Variants in EPHA7 observed in about 807,000 individuals in gnomAD.
EPHA7 encodes ephrin type-A receptor 7.
EPHA7 carries 25 observed loss-of-function variants against 112.6 expected under a neutral mutation model. The observed-to-expected ratio is 0.22, with a 90% CI of 0.16 to 0.31. The LOEUF is 0.31. EPHA7 is among the 10% of genes least tolerant of loss of function. The pLI is 1.00. For synonymous variants in EPHA7, 437 were observed against 406.5 expected, an observed-to-expected ratio of 1.07 and a Z score of -0.90; for missense variants, 962 against 1,212.6, an observed-to-expected ratio of 0.79 and a Z score of 3.07.
intron 9 of EPHA7, 25 bp from the exon 10 acceptor site, chr6:93,259,504 C>T: frequency 6.2e-7 from 1 of 1,609,102 alleles, no homozygotes; most frequent in Non-Finnish European, 8.5e-7. Flanking sequence ...GAAAGCATGA[C>T]TGTGATGAAG....
At chr6:93,354,957 A>G (rs1775870629) in intron 5 of EPHA7, among the ~76,000 whole-genome samples, 1 of 152,162 alleles carries the variant, frequency 6.6e-6, no homozygotes, top group African/African-American at 2.4e-5. Flanking sequence ...AACTTAGTAG[A>G]ACCAAGTTTA....
Position 93,411,104 on chromosome 6 carries a change from T to C in EPHA7, c.229A>G (p.Met77Val). 6.2e-7 allele frequency: 1 copy of C among 1,613,784 alleles called. No individual in the cohort carries two copies. Among genetic ancestry groups the C allele is most frequent in the Non-Finnish European group, 8.5e-7 (1 of 1,179,928 alleles). Reference protein sequence around the residue: ...PIRTYQVCQVMEPNQNNWLRT... With the variant: ...PIRTYQVCQVVEPNQNNWLRT... ...AGCCAGTTGTTTTGGTTGGGCTCCA[T>C]GACTTGGCACACCTGGTATGTTCGT... is the stretch of plus-strand genomic sequence containing the variant. Residue 77 changes from methionine to valine, a missense_variant, in exon 3 of 17, where the codon ATG (methionine) becomes GTG (valine). By Grantham distance (21) the Met-to-Val change is conservative. Around this residue, in one of 3 missense-constraint regions of EPHA7, gnomAD observed 160 missense variants for 263.6 expected, o/e 0.61. Coordinates refer to ENST00000369303, the MANE Select transcript of EPHA7 (RefSeq NM_004440.4).
At chr6:93,267,212 G>C (rs1770985596) in intron 7 of EPHA7, among the ~76,000 whole-genome samples, 1 of 151,654 alleles carries the variant, frequency 6.6e-6, no homozygotes, top group Admixed American at 6.6e-5. Flanking sequence ...TAGTAAAAGG[G>C]CTCCTGGGAT....
intron 3 of EPHA7, among the ~76,000 whole-genome samples, chr6:93,378,930 T>C (rs912982754): frequency 2.0e-5 from 3 of 152,170 alleles, no homozygotes; most frequent in Admixed American, 2.0e-4. Flanking sequence ...ACTTCATTAC[T>C]GTCAATTACA....
chr6:93,274,861 T>C (rs2127886680), intron 5 of EPHA7, among the ~76,000 whole-genome samples: 1 of 152,012 alleles, frequency 6.6e-6, no homozygotes, highest in Non-Finnish European at 1.5e-5. Context: ...GATATACAGC[T>C]TATAAACAAA....
At chr6:93,379,637 T>C (rs1332069520) in intron 3 of EPHA7, among the ~76,000 whole-genome samples, 1 of 151,868 alleles carries the variant, frequency 6.6e-6, no homozygotes. Flanking sequence ...GATTATACAA[T>C]CAAACCAGGA....
At chr6:93,244,284 G>A (rs1260847280) in intron 16 of EPHA7, among the ~76,000 whole-genome samples, 7 of 151,988 alleles carry the variant, frequency 4.6e-5, no homozygotes, top group Non-Finnish European at 1.0e-4. Flanking sequence ...GATTGCTTTG[G>A]GGACCCAAGT....
rs767238960 is a variant in EPHA7 at position 93,419,385 on chromosome 6, C to T, written c.-44G>A. On this transcript the variant is annotated 5_prime_UTR_variant, in exon 1 of 17. Transcript: ENST00000369303. ...ATTTTAGGTTTCAGTTATCTTGAGT[C>T]GTGGATTTTTAAATGCTGTTTGTTC... is the stretch of plus-strand genomic sequence containing the variant. 1 of 1,516,132 alleles carries T rather than the reference C, an allele frequency of 6.6e-7. No homozygotes were observed. The highest frequency in any genetic ancestry group is 1.1e-5 in the South Asian group (1 of 88,096). The allele number at this position is 1,516,132 out of a possible 1,614,324, so 93.9% of individuals were successfully genotyped here. A position where few individuals can be genotyped will look rare whatever the true frequency, so the allele number is the denominator to read the frequency against.
At chr6:93,336,135 C>CT (rs1488452320) in intron 5 of EPHA7, among the ~76,000 whole-genome samples, 1 of 152,048 alleles carries the variant, frequency 6.6e-6, no homozygotes, top group Non-Finnish European at 1.5e-5. Flanking sequence ...TGCTACCCTA[C>CT]TACTAGAATA....
chr6:93,404,366 T>C (rs573154959), intron 3 of EPHA7, among the ~76,000 whole-genome samples: 1 of 152,038 alleles, frequency 6.6e-6, no homozygotes, highest in Admixed American at 6.6e-5. Flanking sequence ...GAAAAAAGTT[T>C]ATGTTCATAA....
chr6:93,405,817 A>G (rs62414252), intron 3 of EPHA7, among the ~76,000 whole-genome samples: 2,349 of 38,450 alleles, frequency 0.061, 30 homozygotes, highest in African/African-American at 0.15. Context: ...GTGTGTGTAT[A>G]TATATATATA....
chr6:93,257,616 T>C, intron 11 of EPHA7, 93 bp from the exon 12 acceptor site: 1 of 793,808 alleles, frequency 1.3e-6, no homozygotes, highest in Non-Finnish European at 2.1e-6. Context: ...GGTGTTCTTT[T>C]GAAAGAGTGA....
intron 7 of EPHA7, among the ~76,000 whole-genome samples, chr6:93,268,065 C>T (rs1198585392): frequency 6.6e-6 from 1 of 151,566 alleles, no homozygotes; most frequent in Non-Finnish European, 1.5e-5. Flanking sequence ...GAAATCTTAA[C>T]TTAAAATGCT....
At chr6:93,405,845 ATATAT>A (rs1778693633) in intron 3 of EPHA7, among the ~76,000 whole-genome samples, 1 of 135,084 alleles carries the variant, frequency 7.4e-6, no homozygotes, top group Non-Finnish European at 1.6e-5. Context: ...ATATATATAT[ATATAT>A]AAATGATTAT....
intron 5 of EPHA7, among the ~76,000 whole-genome samples, chr6:93,352,395 G>T (rs1209362901): frequency 6.6e-6 from 1 of 151,970 alleles, no homozygotes; most frequent in East Asian, 1.9e-4. Context: ...ACAGAAAAGG[G>T]GTAGTATTCT....
intron 3 of EPHA7, among the ~76,000 whole-genome samples, chr6:93,371,404 T>A (rs1197873173): frequency 6.6e-6 from 1 of 152,172 alleles, no homozygotes; most frequent in Non-Finnish European, 1.5e-5. Flanking sequence ...AAAGGATGTG[T>A]ATAGTTTATA....
intron 3 of EPHA7, among the ~76,000 whole-genome samples, chr6:93,370,063 G>A (rs1224171773): frequency 6.6e-6 from 1 of 152,140 alleles, no homozygotes; most frequent in Non-Finnish European, 1.5e-5. Context: ...TACTTTAGAT[G>A]ATTTTAACAT....
At chr6:93,253,760 A>G (rs1256424194) in intron 14 of EPHA7, among the ~76,000 whole-genome samples, 1 of 152,094 alleles carries the variant, frequency 6.6e-6, no homozygotes, top group Non-Finnish European at 1.5e-5. Flanking sequence ...ATCAGCTCTG[A>G]ACCAAGGTAT....
intron 14 of EPHA7, among the ~76,000 whole-genome samples, chr6:93,251,441 C>A (rs1045016642): frequency 6.6e-6 from 1 of 151,346 alleles, no homozygotes; most frequent in Non-Finnish European, 1.5e-5. Flanking sequence ...AATTTACTGG[C>A]CTAGTTTTAT....
Sources: allele counts gnomAD v4.1 joint callset (sites outside exome capture counted in the v4.1 genomes callset), GRCh38; gene constraint gnomAD v4.1.1; regional missense constraint gnomAD v4.1.1; transcripts MANE v1.5; gene names NCBI Gene and HGNC (gene_info 2026-07-23, HGNC 2026-07-21).